Variants in PRRC2C observed in about 807,000 individuals in gnomAD.
PRRC2C encodes protein PRRC2C.
In PRRC2C, 72 loss-of-function variants were observed where a neutral mutation model predicts 317.2. The ratio of observed to expected loss-of-function variants is 0.23; its 90% CI spans 0.19 to 0.28. The LOEUF (loss-of-function observed/expected upper bound fraction) is 0.28. Ranked by LOEUF, PRRC2C falls within the 10% of genes least tolerant of loss-of-function variation. The pLI is 1.00. For missense variants in PRRC2C, 3,074 were observed against 3,459.7 expected (o/e 0.89, Z 2.80); for synonymous variants, 1,296 against 1,205.9 (o/e 1.07, Z -1.55).
At chr1:171,528,078 C>T (rs1025773850) in intron 11 of PRRC2C, among the ~76,000 whole-genome samples, 1 of 151,848 alleles carries the variant, frequency 6.6e-6, no homozygotes, top group Admixed American at 6.6e-5. Context: ...TTTTTTCTCT[C>T]TCACTGCCCG....
At position 171,523,491 on chromosome 1, in the gene PRRC2C, C is replaced by A; in HGVS notation, c.1024C>A (p.Gln342Lys). ...EQLNFSDDDE[Q>K]GSNSPKENNS... ...ACTGAATTTCAGTGATGATGATGAA[C>A]AAGGAAGTAACAGTCCTAAAGAGAA... The change falls in exon 9 of 35, where the codon CAA becomes AAA. Residue 342 changes from glutamine to lysine, a missense_variant. Coordinates refer to ENST00000647382, the MANE Select transcript of PRRC2C (RefSeq NM_001387844.1). 1 of 1,611,740 alleles carries A rather than the reference C, an allele frequency of 6.2e-7. No individual in the cohort carries two copies. The highest frequency in any genetic ancestry group is 2.2e-5 in the East Asian group (1 of 44,868).
intron 1 of PRRC2C, among the ~76,000 whole-genome samples, chr1:171,509,365 A>C (rs1670871625): frequency 1.3e-5 from 2 of 152,220 alleles, no homozygotes; most frequent in African/African-American, 4.8e-5. Context: ...ACTGAGCTGA[A>C]GGTAATCAGT....
chr1:171,504,731 G>T (rs902202105), intron 1 of PRRC2C, among the ~76,000 whole-genome samples: 3 of 152,058 alleles, frequency 2.0e-5, no homozygotes, highest in African/African-American at 7.2e-5. Context: ...AGCTGGCGGG[G>T]TGGAGGGTAG....
At chr1:171,567,008 A>T (rs1683788277) in intron 22 of PRRC2C, among the ~76,000 whole-genome samples, 165 bp downstream of exon 22, 1 of 152,238 alleles carries the variant, frequency 6.6e-6, no homozygotes, top group Admixed American at 6.5e-5. Flanking sequence ...TGTAATCTAA[A>T]GAAGTTCTTT....
intron 1 of PRRC2C, among the ~76,000 whole-genome samples, chr1:171,496,433 C>T (rs1006207737): frequency 1.3e-5 from 2 of 151,932 alleles, no homozygotes; most frequent in African/African-American, 4.8e-5. Context: ...GAAGTCCTGA[C>T]CTCAAGTGAT....
At chr1:171,574,762 T>G (rs1480473466) in intron 24 of PRRC2C, among the ~76,000 whole-genome samples, 165 bp from the exon 25 acceptor site, 3 of 152,220 alleles carry the variant, frequency 2.0e-5, no homozygotes, top group African/African-American at 7.2e-5. Flanking sequence ...ATGGAAAGTC[T>G]GAAATCCCTA....
Position 171,512,356 on chromosome 1 carries a change from T to TGA in PRRC2C, c.112+157_112+158dup, listed in dbSNP as rs1348589296. ...ATGCACACATTTTTCAGAGGATATG[T>TGA]GATAAACATCTTATAATTGAAAATT... On this transcript the variant is annotated intron_variant, in intron 2 of 34. Coordinates refer to ENST00000647382, the MANE Select transcript of PRRC2C (RefSeq NM_001387844.1). 1.1e-4 allele frequency: 62 copies of TGA among 585,480 alleles called. 1 individual carries two copies. Among genetic ancestry groups the TGA allele is most frequent in the Middle Eastern group, 8.0e-4 (2 of 2,502 alleles). 36.3% of individuals were successfully genotyped at this position (585,480 alleles called of 1,614,324 possible).
Position 171,541,914 on chromosome 1 carries a change from C to T in PRRC2C, c.4448C>T (p.Pro1483Leu), listed in dbSNP as rs1373633847. The T allele has an allele frequency of 6.2e-7, 1 of 1,613,368 alleles. No individual in the cohort carries two copies. Among genetic ancestry groups the T allele is most frequent in the South Asian group, 1.1e-5 (1 of 91,056 alleles). Residue 1483 changes from proline (P) to leucine (L), a missense_variant, in exon 16 of 35, where the codon CCA (proline) becomes CTA (leucine). Around this residue, in one of 11 missense-constraint regions of PRRC2C, gnomAD observed 1,320 missense variants for 1,395.7 expected, o/e 0.95. Transcript: ENST00000647382. The surrounding 1 kb of genome is among the most constrained non-coding windows in gnomAD (Gnocchi z 4.1). ...GGGGATATTTCCGGGAATAAGACAC[C>T]AGATTTATCTAATCAGAACTCTTCA... ...TLGDISGNKT[P>L]DLSNQNSSDQ...
intron 1 of PRRC2C, among the ~76,000 whole-genome samples, chr1:171,504,823 A>G (rs1669872781): frequency 6.6e-6 from 1 of 152,072 alleles, no homozygotes; most frequent in Non-Finnish European, 1.5e-5. Flanking sequence ...CCTCCAATAA[A>G]TTTCTTCTGA....
chr1:171,550,914 G>A (rs961377493), intron 18 of PRRC2C, among the ~76,000 whole-genome samples: 1 of 152,088 alleles, frequency 6.6e-6, no homozygotes, highest in Non-Finnish European at 1.5e-5. Flanking sequence ...TGTGAATAGT[G>A]CCACGATAAA....
chr1:171,566,195 ATACTT>A (rs1558015928), intron 20 of PRRC2C, 33 bp from the exon 21 acceptor site: 1 of 1,539,304 alleles, frequency 6.5e-7, no homozygotes. Context: ...CATCTGAACT[ATACTT>A]TGCAAGCAAG....
chr1:171,566,408 T>C lies in PRRC2C; in HGVS notation c.6293T>C (p.Ile2098Thr). Residue 2098 changes from isoleucine to threonine, a missense_variant, in exon 21 of 35, where the codon ATC becomes ACC. Ile to Thr is a moderately conservative substitution (Grantham distance 89). Around this residue, in one of 11 missense-constraint regions of PRRC2C, gnomAD observed 640 missense variants for 676.1 expected, o/e 0.95. Coordinates refer to ENST00000647382, the MANE Select transcript of PRRC2C (RefSeq NM_001387844.1). ...CAGAAGCAGCCACGAGCAGGACCTA[T>C]CAAAGCCCAGAAGGTAAATATACTT... ...QRQKQPRAGP[I>T]KAQKLPDLSP... is the part of the protein sequence containing the mutation. 1 of 1,576,062 alleles carries C rather than the reference T, an allele frequency of 6.3e-7. No homozygotes were observed. Among genetic ancestry groups the C allele is most frequent in the African/African-American group, 1.4e-5 (1 of 73,924 alleles).
At chr1:171,588,919 T>G (rs1448780643) in intron 33 of PRRC2C, among the ~76,000 whole-genome samples, 1 of 152,244 alleles carries the variant, frequency 6.6e-6, no homozygotes, top group African/African-American at 2.4e-5. Flanking sequence ...AAATGTTGGC[T>G]TCTCTTCCCC....
intron 25 of PRRC2C, among the ~76,000 whole-genome samples, chr1:171,576,310 A>G (rs918518848): frequency 6.6e-6 from 1 of 152,152 alleles, no homozygotes; most frequent in African/African-American, 2.4e-5. Context: ...CCGTTTCCCC[A>G]GGTCTAGATT....
In PRRC2C at chr1:171,515,848, T is replaced by C. The variant is rs969913095; in HGVS notation, c.515T>C (p.Leu172Ser). ...NDDNYGPGPS[L>S]RPPNVACWRD... is the part of the protein sequence containing the mutation. ...GACAACTATGGACCTGGACCCAGTT[T>C]ACGTCCACCAAGTAAGAGTACTTTC... Residue 172 changes from leucine (L) to serine (S), a missense_variant, in exon 5 of 35, where the codon TTA (leucine) becomes TCA (serine). Around this residue, in one of 11 missense-constraint regions of PRRC2C, gnomAD observed 237 missense variants for 199.5 expected, o/e 1.19. Coordinates refer to ENST00000647382, the MANE Select transcript of PRRC2C (RefSeq NM_001387844.1). The C allele has an allele frequency of 6.3e-7, 1 of 1,596,054 alleles. No individual in the cohort carries two copies. Among genetic ancestry groups the C allele is most frequent in the African/African-American group, 1.4e-5 (1 of 73,950 alleles).
chr1:171,575,689 C>T (rs539975479), intron 25 of PRRC2C, among the ~76,000 whole-genome samples: 7 of 152,198 alleles, frequency 4.6e-5, no homozygotes, highest in African/African-American at 1.7e-4. Context: ...GTAATCTTTT[C>T]ATTGAACTAT....
chr1:171,529,587 C>T (rs1206082421), intron 11 of PRRC2C, among the ~76,000 whole-genome samples: 1 of 152,204 alleles, frequency 6.6e-6, no homozygotes, highest in African/African-American at 2.4e-5. Context: ...ACACTGACTA[C>T]TTGCTACCAC....
chr1:171,539,911 A>C, intron 15 of PRRC2C, 60 bp from the exon 16 acceptor site: 1 of 1,360,328 alleles, frequency 7.4e-7, no homozygotes, highest in South Asian at 1.4e-5. Context: ...ATTTTGCTAT[A>C]TACTTACGCA....
intron 7 of PRRC2C, 148 bp downstream of exon 7, chr1:171,522,407 C>A: frequency 2.3e-6 from 1 of 443,706 alleles, no homozygotes. Context: ...AATTGGCTAA[C>A]TCTTATAAGA....
Sources: allele counts gnomAD v4.1 joint callset (sites outside exome capture counted in the v4.1 genomes callset), GRCh38; gene constraint gnomAD v4.1.1; regional missense constraint gnomAD v4.1.1; non-coding constraint Gnocchi (gnomAD v3.1); transcripts MANE v1.5; gene names NCBI Gene and HGNC (gene_info 2026-07-23, HGNC 2026-07-21).